LIMCH1: variants seen among roughly 807,000 people sequenced by gnomAD.
LIMCH1 encodes LIM and calponin homology domains 1.
Under a neutral mutation model 176.5 loss-of-function variants are expected in LIMCH1, and 113 were observed. That is an observed-to-expected ratio of 0.64 (90% CI 0.55 to 0.75). LIMCH1 has a LOEUF of 0.75. Ranked by LOEUF, LIMCH1 falls within the 30% of genes least tolerant of loss-of-function variation. The pLI, the probability that LIMCH1 is intolerant of heterozygous loss-of-function variation, is 0.00. For missense variants in LIMCH1, 1,674 were observed against 1,814.9 expected (o/e 0.92, Z 1.41); for synonymous variants, 619 against 645.9 (o/e 0.96, Z 0.63).
intron 1 of LIMCH1, among the ~76,000 whole-genome samples, chr4:41,419,524 G>C (rs780863854): frequency 6.6e-6 from 1 of 151,858 alleles, no homozygotes; most frequent in Non-Finnish European, 1.5e-5. Context: ...TCCTTGTGAA[G>C]CTTATGGAAG....
At chr4:41,643,632 A>G (rs1473626634) in intron 14 of LIMCH1, among the ~76,000 whole-genome samples, 2 of 152,044 alleles carry the variant, frequency 1.3e-5, no homozygotes, top group Admixed American at 6.5e-5. Context: ...AATTATATGT[A>G]TGCACAGTCT....
intron 1 of LIMCH1, among the ~76,000 whole-genome samples, chr4:41,463,796 C>T (rs1173873369): frequency 6.6e-6 from 1 of 151,976 alleles, no homozygotes; most frequent in Non-Finnish European, 1.5e-5. Context: ...CCAGGCTGGT[C>T]CTGAACTCCT....
At chr4:41,390,239 GGAGAGAGAGAGA>G (rs34011822) in intron 1 of LIMCH1, among the ~76,000 whole-genome samples, 4 of 138,354 alleles carry the variant, frequency 2.9e-5, no homozygotes, top group African/African-American at 7.9e-5. Flanking sequence ...TCTCTCTCAG[GGAGAGAGAGAGA>G]GAGAGAGAGA....
Position 41,507,270 on chromosome 4 carries a change from G to A in LIMCH1, c.167+12664G>A, listed in dbSNP as rs569328124. Among the ~76,000 whole-genome samples, 26 of 152,230 alleles carry A rather than the reference G, an allele frequency of 1.7e-4. No homozygotes were observed. In the South Asian group the frequency reaches 2.9e-3, roughly 17 times the overall value. ...CTCTTGAAACAGAGGGATTGAAACC[G>A]GGATTTTTATGGAGGCTTTGTCACT... is the stretch of plus-strand genomic sequence containing the variant. On this transcript the variant is annotated intron_variant, in intron 2 of 26. Transcript: ENST00000313860.
chr4:41,618,872 G>A (rs2092344742), intron 5 of LIMCH1, among the ~76,000 whole-genome samples: 1 of 152,188 alleles, frequency 6.6e-6, no homozygotes, highest in South Asian at 2.1e-4. Context: ...TTTCTTCTGA[G>A]AGTAGCAGAA....
chr4:41,360,942 T>C lies in LIMCH1; in HGVS notation c.96+6T>C. The stretch of plus-strand genomic sequence containing the variant: ...AGGCGCAGAAGTGGATTGAGGTAGG[T>C]GCGGGTGGCTGGCGGGCGGCCTTGC... On this transcript the variant is annotated splice_donor_region_variant and intron_variant, in intron 1 of 26. Coordinates refer to the LIMCH1 transcript ENST00000313860. The surrounding 1 kb of genome is among the most constrained non-coding windows in gnomAD (Gnocchi z 4.5). 6.4e-7 allele frequency: 1 copy of C among 1,564,562 alleles called. No homozygotes were observed. The highest frequency in any genetic ancestry group is 8.6e-7 in the Non-Finnish European group (1 of 1,158,134).
chr4:41,599,096 TGTAA>T, intron 2 of LIMCH1, 70 bp downstream of exon 2: 2 of 914,438 alleles, frequency 2.2e-6, no homozygotes, highest in South Asian at 2.8e-5. Flanking sequence ...GTGATGATGT[TGTAA>T]GTTCTAAGAG....
At chr4:41,430,573 G>A (rs1459277268) in intron 1 of LIMCH1, among the ~76,000 whole-genome samples, 1 of 152,174 alleles carries the variant, frequency 6.6e-6, no homozygotes, top group Non-Finnish European at 1.5e-5. Context: ...CCCCATCTCT[G>A]TATTTTAAAA....
chr4:41,402,244 A>T (rs1236845625), intron 1 of LIMCH1, among the ~76,000 whole-genome samples: 2 of 152,262 alleles, frequency 1.3e-5, no homozygotes, highest in Admixed American at 1.3e-4. Flanking sequence ...ATCACTGGCC[A>T]TCAGAGAAAT....
At chr4:41,405,872 A>AT (rs2058906572) in intron 1 of LIMCH1, among the ~76,000 whole-genome samples, 2 of 152,188 alleles carry the variant, frequency 1.3e-5, no homozygotes. Flanking sequence ...CAAAACTGTA[A>AT]TTGTTTAATT....
intron 1 of LIMCH1, among the ~76,000 whole-genome samples, chr4:41,373,317 C>G (rs1214757302): frequency 6.6e-6 from 1 of 152,140 alleles, no homozygotes; most frequent in East Asian, 1.9e-4. Flanking sequence ...TGAAGAAGAC[C>G]AGTAAGGCAG....
intron 1 of LIMCH1, among the ~76,000 whole-genome samples, chr4:41,597,781 C>T (rs76316839): frequency 0.017 from 2,659 of 152,300 alleles, 42 homozygotes; most frequent in Non-Finnish European, 0.028. Context: ...TTGCTAGTGA[C>T]ATATCACAGA....
chr4:41,646,311 A>G (rs1288875192), intron 16 of LIMCH1, 31 bp downstream of exon 16: 3 of 1,582,006 alleles, frequency 1.9e-6, no homozygotes, highest in Non-Finnish European at 1.7e-6. Context: ...TTTTTAATGT[A>G]CAATATTATC....
rs144327792 is a variant in LIMCH1 at position 41,572,286 on chromosome 4, G to C, written c.-240-26634G>C. Among the ~76,000 whole-genome samples the C allele has an allele frequency of 6.1e-3, 924 of 152,180 alleles. 11 individuals carry two copies. Among genetic ancestry groups the C allele is most frequent in the African/African-American group, 0.021 (868 of 41,512 alleles). On this transcript the variant is annotated intron_variant, in intron 1 of 31. Coordinates refer to ENST00000503057, the MANE Select transcript of LIMCH1 (RefSeq NM_001330672.2). Reference sequence around the variant, plus strand: ...AGTTGTATAGAGATACACACAGTTCGGGGGTTTAGAAACCACAGAGAAACA... The same window carrying C: ...AGTTGTATAGAGATACACACAGTTCCGGGGTTTAGAAACCACAGAGAAACA...
rs1256938347 is a variant in LIMCH1, at chr4:41,509,297, C to T, written c.167+14691C>T. Among the ~76,000 whole-genome samples the T allele has an allele frequency of 2.6e-5, 4 of 152,176 alleles. No individual in the cohort carries two copies. In the South Asian group the frequency reaches 6.2e-4, roughly 24 times the overall value. ...CCAGTGAACCTAGATCTTCCAACCC[C>T]TCTTCTGTAGATGATTAGATGGAGA... On this transcript the variant is annotated intron_variant, in intron 2 of 26. Transcript: ENST00000313860.
chr4:41,622,658 GA>G (rs1288904710), intron 7 of LIMCH1, among the ~76,000 whole-genome samples: 164 of 152,218 alleles, frequency 1.1e-3, no homozygotes, highest in Non-Finnish European at 1.8e-4. Flanking sequence ...TAAAAACTTT[GA>G]ACTCTTTTAT....
Position 41,464,370 on chromosome 4 carries a change from CTTTTTTTT to C in LIMCH1, c.97-30159_97-30152del, listed in dbSNP as rs753362999. Among the ~76,000 whole-genome samples the C allele has an allele frequency of 3.0e-3, 416 of 139,134 alleles. 1 individual carries two copies. Among genetic ancestry groups the C allele is most frequent in the Non-Finnish European group, 5.0e-3 (324 of 64,250 alleles). The allele number at this position is 139,134 out of a possible 152,430, so 91.3% of individuals were successfully genotyped here. ...ATTTTCTTTTTCCTTTTCTTTTTTT[CTTTTTTTT>C]TTTTTTCTGAGATGGAGTCTTGCTT... On this transcript the variant is annotated intron_variant, in intron 1 of 26. Transcript: ENST00000313860.
At chr4:41,568,516 C>A (rs2152574721) in intron 1 of LIMCH1, among the ~76,000 whole-genome samples, 1 of 152,244 alleles carries the variant, frequency 6.6e-6, no homozygotes, top group Non-Finnish European at 1.5e-5. Flanking sequence ...ATTTTTGGAT[C>A]TAGATTTCTT....
At chr4:41,601,070 G>A (rs532182762) in intron 2 of LIMCH1, among the ~76,000 whole-genome samples, 1 of 150,828 alleles carries the variant, frequency 6.6e-6, no homozygotes, top group Non-Finnish European at 1.5e-5. Context: ...TTTTCTTTAG[G>A]CAATACTTTG....
Sources: gnomAD v4.1 joint callset for allele counts (sites outside exome capture counted in the v4.1 genomes callset) on GRCh38, gnomAD v4.1.1 for gene constraint, Gnocchi (gnomAD v3.1) non-coding constraint, MANE v1.5 for transcripts, NCBI Gene and HGNC (gene_info 2026-07-23, HGNC 2026-07-21) for gene names.